The following PSME3 variants were observed in gnomAD, a reference collection of about 807,000 sequenced individuals.
The protein encoded by PSME3 is proteasome activator subunit 3.
A neutral mutation model predicts 38.3 loss-of-function variants in PSME3; 7 were observed. The ratio of observed to expected loss-of-function variants is 0.18; its 90% CI spans 0.10 to 0.34. The LOEUF (loss-of-function observed/expected upper bound fraction) is 0.34, where lower values mean the gene tolerates loss of function less well. PSME3 is among the 10% of genes least tolerant of loss of function. The pLI, the probability that PSME3 is intolerant of heterozygous loss-of-function variation, is 1.00. For synonymous variants in PSME3, 108 were observed against 105.7 expected, an observed-to-expected ratio of 1.02 and a Z score of -0.13; for missense variants, 192 against 307.6, an observed-to-expected ratio of 0.62 and a Z score of 2.81.
chr17:42,840,720 G>A (rs1007388499), intron 10 of PSME3, among the ~76,000 whole-genome samples: 2 of 152,178 alleles, frequency 1.3e-5, no homozygotes, highest in African/African-American at 4.8e-5. Context: ...TATGTTAAGT[G>A]CACAATACAT....
chr17:42,835,614 A>T (rs1183253794), intron 4 of PSME3, among the ~76,000 whole-genome samples: 1 of 151,954 alleles, frequency 6.6e-6, no homozygotes. Flanking sequence ...AGTCCCAGCT[A>T]CTTCGGAGGC....
At position 42,833,677 on chromosome 17, in the gene PSME3, G is replaced by T. The variant is rs1041659712; in HGVS notation, c.42+4G>T. The T allele has an allele frequency of 6.2e-7, 1 of 1,614,128 alleles. No homozygotes were observed. Reference sequence around the variant, plus strand: ...GGATCAGGAAGTGAAGCTCAAGGTAGCGGCACCGGTCCGGCCTTTTTGCCC... The same window carrying T: ...GGATCAGGAAGTGAAGCTCAAGGTATCGGCACCGGTCCGGCCTTTTTGCCC... On this transcript the variant is annotated splice_donor_region_variant and intron_variant, in intron 1 of 10. Coordinates refer to ENST00000590720, the MANE Select transcript of PSME3 (RefSeq NM_005789.4).
At chr17:42,834,690 C>G in intron 3 of PSME3, 82 bp from the exon 4 acceptor site, 1 of 1,603,488 alleles carries the variant, frequency 6.2e-7, no homozygotes, top group South Asian at 1.1e-5. Context: ...ACTGTAAAAG[C>G]ACTTTCATTT....
At chr17:42,833,904 C>A (rs1045171700) in intron 1 of PSME3, 5 of 1,451,250 alleles carry the variant, frequency 3.4e-6, no homozygotes, top group Non-Finnish European at 3.6e-6. Context: ...TCCGCGGACA[C>A]GTGTTGGACT....
chr17:42,833,958 A>G, intron 1 of PSME3: 2 of 1,439,150 alleles, frequency 1.4e-6, no homozygotes, highest in Non-Finnish European at 1.8e-6. Context: ...CCAGCCCAAC[A>G]ACGTCCCTGG....
chr17:42,834,083 A>G, intron 1 of PSME3: 1 of 1,446,394 alleles, frequency 6.9e-7, no homozygotes, highest in African/African-American at 1.4e-5. Context: ...TTGTCTGCTT[A>G]TCAAATTCAG....
At chr17:42,837,116 A>AT (rs754349222) in intron 4 of PSME3, among the ~76,000 whole-genome samples, 2 of 151,942 alleles carry the variant, frequency 1.3e-5, no homozygotes, top group Non-Finnish European at 2.9e-5. Flanking sequence ...CAGTGGTGCA[A>AT]TCTCGGCTCA....
intron 5 of PSME3, 108 bp downstream of exon 5, chr17:42,837,805 A>C (rs2055481372): frequency 7.6e-7 from 1 of 1,309,630 alleles, no homozygotes; most frequent in African/African-American, 1.5e-5. Flanking sequence ...ATCTAATCTT[A>C]CTTCCCAGAG....
At position 42,838,745 on chromosome 17, in the gene PSME3, A is replaced by C. The variant is rs1251748367; in HGVS notation, c.420A>C (p.Val140=). Residue 140 remains valine (V), a synonymous_variant, in exon 7 of 11, where the codon GTA becomes GTC. Transcript: ENST00000590720. The stretch of plus-strand genomic sequence containing the variant: ...TTGACCTCCAGGTCAAAATGTGGGT[A>C]CAGCTCCTGATTCCCAGGATAGAAG... ...IEKCNTVKMW[V]QLLIPRIEDG... 1.2e-6 allele frequency: 2 copies of C among 1,613,350 alleles called. No individual in the cohort carries two copies. Among genetic ancestry groups the C allele is most frequent in the Non-Finnish European group, 1.7e-6 (2 of 1,179,382 alleles).
intron 1 of PSME3, 98 bp downstream of exon 1, chr17:42,833,771 A>G (rs773892203): frequency 6.2e-7 from 1 of 1,609,014 alleles, no homozygotes; most frequent in Non-Finnish European, 8.5e-7. Context: ...CCCTGGGGAT[A>G]CCAGCTCTGA....
chr17:42,834,355 C>T lies in PSME3; in HGVS notation c.54C>T (p.Phe18=). ...TTTGTTAATTTTAGGTTGATTCTTT[C>T]AGGGAGCGGATCACAAGTGAGGTGA... ...DQEVKLKVDS[F]RERITSEAED... is the part of the protein sequence containing the mutation. The change falls in exon 2 of 11, where the codon TTC becomes TTT. Residue 18 remains phenylalanine, a synonymous_variant. Transcript: ENST00000590720. 6.2e-7 allele frequency: 1 copy of T among 1,613,852 alleles called. No individual in the cohort carries two copies. The highest frequency in any genetic ancestry group is 8.5e-7 in the Non-Finnish European group (1 of 1,180,000).
At position 42,834,804 on chromosome 17, in the gene PSME3, G is replaced by A; in HGVS notation, c.171G>A (p.Gln57=). 6.2e-7 allele frequency: 1 copy of A among 1,614,092 alleles called. No homozygotes were observed. Among genetic ancestry groups the A allele is most frequent in the Non-Finnish European group, 8.5e-7 (1 of 1,180,020 alleles). ...TCTTAAACATCCATGACCTAACTCA[G>A]ATCCACTCTGACATGAATCTCCCAG... ...EPILNIHDLT[Q]IHSDMNLPVP... The change falls in exon 4 of 11, where the codon CAG becomes CAA. Residue 57 remains glutamine (Q), a synonymous_variant. Transcript: ENST00000590720.
chr17:42,834,057 C>G, intron 1 of PSME3: 1 of 1,442,300 alleles, frequency 6.9e-7, no homozygotes, highest in East Asian at 2.5e-5. Context: ...TCACATCTTC[C>G]CTAACTACCT....
chr17:42,840,667 A>G (rs931827331), intron 10 of PSME3, among the ~76,000 whole-genome samples: 1 of 152,222 alleles, frequency 6.6e-6, no homozygotes, highest in African/African-American at 2.4e-5. Context: ...GCTTTTTTAA[A>G]ATAAGTGAGA....
chr17:42,841,337 C>G (rs2055530564), intron 10 of PSME3, among the ~76,000 whole-genome samples, 161 bp from the exon 11 acceptor site: 1 of 152,088 alleles, frequency 6.6e-6, no homozygotes, highest in Admixed American at 6.6e-5. Context: ...ACCTGCTGTA[C>G]TTTAATTTCC....
intron 10 of PSME3, among the ~76,000 whole-genome samples, chr17:42,841,050 AT>A (rs1407990756): frequency 8.6e-5 from 13 of 150,480 alleles, no homozygotes; most frequent in Non-Finnish European, 1.9e-4. Flanking sequence ...GGAGAATGGC[AT>A]GAACCTGGGA....
chr17:42,839,097 T>C lies in PSME3; in HGVS notation c.543-15T>C. ...AGGGTCTCCTGCATCTTCCTCCTCT[T>C]CTCTCTCTTTCCAGATATTATATTA... On this transcript the variant is annotated splice_polypyrimidine_tract_variant and intron_variant, in intron 8 of 10. Coordinates refer to ENST00000590720, the MANE Select transcript of PSME3 (RefSeq NM_005789.4). 1 of 1,588,494 alleles carries C rather than the reference T, an allele frequency of 6.3e-7. No individual in the cohort carries two copies. The highest frequency in any genetic ancestry group is 8.6e-7 in the Non-Finnish European group (1 of 1,156,676).
At position 42,833,608 on chromosome 17, in the gene PSME3, G is replaced by C; in HGVS notation, c.-24G>C. 6.2e-7 allele frequency: 1 copy of C among 1,614,158 alleles called. No homozygotes were observed. Among genetic ancestry groups the C allele is most frequent in the African/African-American group, 1.3e-5 (1 of 75,078 alleles). ...TCCACAGCGCCTCCGGTGTCCAGAG[G>C]ATCGGACACGGCCCGGCCCGGCCAT... On this transcript the variant is annotated 5_prime_UTR_variant, in exon 1 of 11. Transcript: ENST00000590720.
chr17:42,838,275 G>A, intron 6 of PSME3, 70 bp downstream of exon 6: 4 of 1,593,704 alleles, frequency 2.5e-6, no homozygotes, highest in Non-Finnish European at 3.4e-6. Flanking sequence ...AACAGTGGAT[G>A]TACGGGTGGT....
Sources: gnomAD v4.1 joint callset for allele counts (sites outside exome capture counted in the v4.1 genomes callset) on GRCh38, gnomAD v4.1.1 for gene constraint, MANE v1.5 for transcripts, NCBI Gene and HGNC (gene_info 2026-07-23, HGNC 2026-07-21) for gene names.